Variants in RORB observed in about 807,000 individuals in gnomAD.
RORB encodes RAR related orphan receptor B.
RORB carries 6 observed loss-of-function variants against 59.1 expected under a neutral mutation model. The observed-to-expected ratio is 0.10, with a 90% confidence interval of 0.06 to 0.20. The LOEUF is 0.20. RORB is among the 10% of genes least tolerant of loss of function. The pLI, the probability that RORB is intolerant of heterozygous loss-of-function variation, is 1.00. For synonymous variants in RORB, 215 were observed against 204.5 expected (o/e 1.05, Z -0.44); for missense variants, 320 against 560.5 (o/e 0.57, Z 4.33).
chr9:74,511,386 T>A (rs1164853911), intron 1 of RORB, among the ~76,000 whole-genome samples: 1 of 152,110 alleles, frequency 6.6e-6, no homozygotes, highest in Non-Finnish European at 1.5e-5. Context: ...AACATAAAAC[T>A]GTTAGAAATC....
chr9:74,600,684 G>A (rs1823041507), intron 1 of RORB, among the ~76,000 whole-genome samples: 1 of 152,108 alleles, frequency 6.6e-6, no homozygotes, highest in Non-Finnish European at 1.5e-5. Context: ...TATTTCAAAG[G>A]TTTTAGAGTT....
intron 1 of RORB, among the ~76,000 whole-genome samples, chr9:74,574,008 G>A (rs1220302624): frequency 6.6e-6 from 1 of 152,122 alleles, no homozygotes; most frequent in African/African-American, 2.4e-5. Context: ...GCCATTATCT[G>A]AGCAGTATTT....
chr9:74,617,470 G>A (rs1823332016), intron 1 of RORB, among the ~76,000 whole-genome samples: 3 of 152,150 alleles, frequency 2.0e-5, no homozygotes, highest in Admixed American at 2.0e-4. Context: ...CATAAACACC[G>A]AATAAAGCTG....
At chr9:74,541,305 A>AAAAAAAAAAAC (rs1826404438) in intron 1 of RORB, among the ~76,000 whole-genome samples, 1 of 142,382 alleles carries the variant, frequency 7.0e-6, no homozygotes, top group Non-Finnish European at 1.6e-5. Context: ...AAAAAAAAAA[A>AAAAAAAAAAAC]AGTAAAGGCT....
intron 1 of RORB, among the ~76,000 whole-genome samples, chr9:74,510,743 A>T (rs1180361850): frequency 2.0e-5 from 3 of 152,190 alleles, no homozygotes; most frequent in Non-Finnish European, 4.4e-5. Flanking sequence ...ACACTTCAAA[A>T]AATTGTACCA....
At chr9:74,679,058 C>CA (rs201082469) in intron 9 of RORB, among the ~76,000 whole-genome samples, 9,222 of 137,138 alleles carry the variant, frequency 0.067, 495 homozygotes, top group East Asian at 0.31. Flanking sequence ...AACAAACAAA[C>CA]AAAAAAAAAA....
chr9:74,521,981 A>G (rs533204430), intron 1 of RORB, among the ~76,000 whole-genome samples: 1 of 151,866 alleles, frequency 6.6e-6, no homozygotes, highest in East Asian at 1.9e-4. Context: ...TCTTGTCTGC[A>G]ACAGGCCTTG....
chr9:74,597,675 G>C (rs1204483328), intron 1 of RORB, among the ~76,000 whole-genome samples: 1 of 152,076 alleles, frequency 6.6e-6, no homozygotes, highest in Non-Finnish European at 1.5e-5. Flanking sequence ...TTTTATATTG[G>C]TGGCTGGGCA....
chr9:74,545,936 A>G (rs1040785883), intron 1 of RORB, among the ~76,000 whole-genome samples: 1 of 152,224 alleles, frequency 6.6e-6, no homozygotes, highest in African/African-American at 2.4e-5. Flanking sequence ...CCATCTAACA[A>G]AATGCAAAGG....
chr9:74,497,621 CG>C lies in RORB; in HGVS notation c.-354del, dbSNP rs1195507543. 4 of 333,670 alleles carry C rather than the reference CG, an allele frequency of 1.2e-5. No homozygotes were observed. The highest frequency in any genetic ancestry group is 8.3e-5 in the African/African-American group (4 of 48,052). 20.7% of individuals were successfully genotyped at this position (333,670 alleles called of 1,614,324 possible). On this transcript the variant is annotated 5_prime_UTR_variant, in exon 1 of 10. Transcript: ENST00000376896. ...CAAAAGAAATCTTCTGAGCCGGAGG[CG>C]GTGGCATTTTTTAAAAAGCAAGCAC...
intron 5 of RORB, among the ~76,000 whole-genome samples, chr9:74,661,797 C>G (rs940918958): frequency 1.4e-4 from 21 of 150,096 alleles, no homozygotes; most frequent in Non-Finnish European, 2.5e-4. Context: ...GGCGCCCCCC[C>G]ACCACGCCCA....
intron 7 of RORB, among the ~76,000 whole-genome samples, chr9:74,666,706 A>C (rs1223758324): frequency 1.3e-5 from 2 of 152,200 alleles, no homozygotes; most frequent in Non-Finnish European, 2.9e-5. Context: ...CACAGAAGTT[A>C]ATTCACAAAG....
At chr9:74,660,052 C>A (rs1824155500) in intron 4 of RORB, among the ~76,000 whole-genome samples, 1 of 151,966 alleles carries the variant, frequency 6.6e-6, no homozygotes, top group Non-Finnish European at 1.5e-5. Context: ...TTACATTGCC[C>A]CAAAGTCAAA....
At chr9:74,532,827 T>TATACGTGTATAC (rs1826266246) in intron 1 of RORB, among the ~76,000 whole-genome samples, 2 of 135,150 alleles carry the variant, frequency 1.5e-5, no homozygotes. Context: ...CATATATATG[T>TATACGTGTATAC]GTATATATAT....
chr9:74,640,542 CA>C (rs1343009143), intron 3 of RORB, among the ~76,000 whole-genome samples: 3 of 152,188 alleles, frequency 2.0e-5, no homozygotes, highest in Admixed American at 6.5e-5. Flanking sequence ...CTTGGCCTCC[CA>C]AAGTGCTGGG....
At chr9:74,604,625 C>A (rs982625198) in intron 1 of RORB, among the ~76,000 whole-genome samples, 9 of 152,114 alleles carry the variant, frequency 5.9e-5, no homozygotes, top group African/African-American at 1.9e-4. Context: ...CTAGATCACC[C>A]AATTATTATT....
intron 1 of RORB, among the ~76,000 whole-genome samples, chr9:74,576,453 C>T (rs941652800): frequency 2.3e-5 from 2 of 88,308 alleles, no homozygotes; most frequent in Non-Finnish European, 2.3e-5. Context: ...ATTAGCTAGG[C>T]TTAGGGAGAA....
chr9:74,510,101 AAAAAC>A, intron 1 of RORB, among the ~76,000 whole-genome samples: 1 of 152,098 alleles, frequency 6.6e-6, no homozygotes, highest in Non-Finnish European at 1.5e-5. Flanking sequence ...CTGTACTATA[AAAAAC>A]ATAGCTTGAA....
intron 1 of RORB, among the ~76,000 whole-genome samples, chr9:74,607,186 A>G (rs1823161972): frequency 6.6e-6 from 1 of 152,212 alleles, no homozygotes; most frequent in Non-Finnish European, 1.5e-5. Flanking sequence ...TTCATCACAT[A>G]TGGGCTTCTG....
Sources: allele counts gnomAD v4.1 joint callset (sites outside exome capture counted in the v4.1 genomes callset), GRCh38; gene constraint gnomAD v4.1.1; transcripts MANE v1.5; gene names NCBI Gene and HGNC (gene_info 2026-07-23, HGNC 2026-07-21).